The following TFB1M variants were observed in gnomAD, a reference collection of about 807,000 sequenced individuals.
TFB1M encodes the protein transcription factor B1, mitochondrial, also known as dimethyladenosine transferase 1, mitochondrial.
Under a neutral mutation model 31.1 loss-of-function variants are expected in TFB1M, and 27 were observed. That is an observed-to-expected ratio of 0.87 (90% confidence interval 0.64 to 1.20). The LOEUF is 1.20. Ranked by LOEUF, TFB1M falls within the 50% of genes most tolerant of loss-of-function variation. The probability of loss-of-function intolerance (pLI) is 0.00; values close to 1 mark genes in which losing one functional copy is unlikely to be tolerated. For synonymous variants in TFB1M, 166 were observed against 151.8 expected, an observed-to-expected ratio of 1.09 and a Z score of -0.69; for missense variants, 394 against 418.7, an observed-to-expected ratio of 0.94 and a Z score of 0.51.
In TFB1M at chr6:155,256,223, C is replaced by G; in HGVS notation, c.*1613G>C. ...AGAATCTTAGCCCATGTAGTAGTTT[C>G]TAGTGTCTAGTTCTATTTACATAAT... is the stretch of plus-strand genomic sequence containing the variant. On this transcript the variant is annotated 3_prime_UTR_variant, in exon 7 of 7. Transcript: ENST00000367166. The G allele has an allele frequency of 1.7e-6, 1 of 584,556 alleles. No homozygotes were observed. The highest frequency in any genetic ancestry group is 3.0e-6 in the Non-Finnish European group (1 of 334,382). 36.2% of individuals were successfully genotyped at this position (584,556 alleles called of 1,614,324 possible).
intron 5 of TFB1M, among the ~76,000 whole-genome samples, chr6:155,276,949 T>C (rs1356771301): frequency 1.3e-5 from 2 of 152,234 alleles, no homozygotes; most frequent in African/African-American, 2.4e-5. Context: ...ACTATCTACA[T>C]ATATTTGTAA....
At chr6:155,278,931 C>G (rs1180550281) in intron 5 of TFB1M, among the ~76,000 whole-genome samples, 1 of 152,100 alleles carries the variant, frequency 6.6e-6, no homozygotes, top group Non-Finnish European at 1.5e-5. Context: ...GTGGCTCTCC[C>G]TGGGGTGAGT....
Position 155,260,323 on chromosome 6 carries a change from C to G in TFB1M, c.744G>C (p.Val248=). The G allele has an allele frequency of 6.2e-7, 1 of 1,614,206 alleles. No individual in the cohort carries two copies. ...IEQPFKLVEK[V]VQNVFQFRRK... is the part of the protein sequence containing the mutation. ...TTCGGAACTGAAATACATTCTGAACCACTTTTTCCACCAGCTTGAATGGCT... is the reference window on the plus strand; with the variant it reads ...TTCGGAACTGAAATACATTCTGAACGACTTTTTCCACCAGCTTGAATGGCT... The change falls in exon 6 of 7, where the codon GTG becomes GTC. Residue 248 remains valine (V), a synonymous_variant. Coordinates refer to ENST00000367166, the MANE Select transcript of TFB1M (RefSeq NM_016020.4).
the TFB1M span, chr6:155,240,421 C>T: frequency 8.2e-6 from 10 of 1,225,666 alleles, no homozygotes; most frequent in Non-Finnish European, 1.1e-5. Context: ...ACAGAGGCCC[C>T]TCTGAGATCC....
chr6:155,264,701 C>T (rs908501445), intron 5 of TFB1M, among the ~76,000 whole-genome samples: 4 of 152,108 alleles, frequency 2.6e-5, no homozygotes, highest in African/African-American at 9.7e-5. Flanking sequence ...TGTTTCCTCT[C>T]AGAGCAGATG....
intron 4 of TFB1M, among the ~76,000 whole-genome samples, chr6:155,290,321 G>A (rs1776853374): frequency 1.3e-5 from 2 of 149,030 alleles, no homozygotes; most frequent in Admixed American, 6.8e-5. Context: ...GGGAGGCGGG[G>A]CTTGCAGCGA....
chr6:155,263,120 C>G (rs1010713865), intron 5 of TFB1M, among the ~76,000 whole-genome samples: 1 of 152,166 alleles, frequency 6.6e-6, no homozygotes, highest in Non-Finnish European at 1.5e-5. Context: ...CTCTCCCTTT[C>G]CCCCAAAGGC....
chr6:155,233,181 T>G, the TFB1M span, among the ~76,000 whole-genome samples: 1 of 152,212 alleles, frequency 6.6e-6, no homozygotes, highest in Non-Finnish European at 1.5e-5. Context: ...GGTAATGTGA[T>G]GTACCTACCC....
chr6:155,288,368 C>A (rs1275240942), intron 4 of TFB1M, among the ~76,000 whole-genome samples: 1 of 152,090 alleles, frequency 6.6e-6, no homozygotes, highest in African/African-American at 2.4e-5. Context: ...AAAACCAAGA[C>A]ACATATACTC....
intron 1 of TFB1M, 180 bp downstream of exon 1, chr6:155,314,116 C>T: frequency 6.7e-7 from 1 of 1,490,962 alleles, no homozygotes; most frequent in Non-Finnish European, 8.9e-7. Flanking sequence ...AATCAACGCA[C>T]TTCACGTGTC....
At chr6:155,275,009 G>A (rs992337019) in intron 5 of TFB1M, among the ~76,000 whole-genome samples, 1 of 151,952 alleles carries the variant, frequency 6.6e-6, no homozygotes, top group Admixed American at 6.5e-5. Context: ...ACGAGGTCAG[G>A]AGATCGAGAC....
intron 1 of TFB1M, among the ~76,000 whole-genome samples, chr6:155,312,720 G>A (rs1262848762): frequency 6.6e-6 from 1 of 152,088 alleles, no homozygotes; most frequent in African/African-American, 2.4e-5. Context: ...CCCATAGAAA[G>A]AGTGGATAAT....
intron 5 of TFB1M, among the ~76,000 whole-genome samples, chr6:155,281,629 G>A (rs1158735357): frequency 2.7e-5 from 4 of 148,094 alleles, no homozygotes; most frequent in Non-Finnish European, 4.4e-5. Context: ...GGCTGAGGCA[G>A]GAGAATCATT....
Position 155,285,190 on chromosome 6 carries a change from T to TTTA in TFB1M, c.633_634insTAA (p.Thr211_Ile212insTer). ...TTGGGGACAAAAGCTTGTCCTGGAA[T>TTTA]CGTAAAGATGTGTCGAACATTGCAG... is the stretch of plus-strand genomic sequence containing the variant. On this transcript the variant is annotated stop_gained and inframe_insertion, in exon 5 of 7. Coordinates refer to ENST00000367166, the MANE Select transcript of TFB1M (RefSeq NM_016020.4). LOFTEE classifies it high-confidence loss of function. 6.2e-7 allele frequency: 1 copy of TTTA among 1,614,054 alleles called. No individual in the cohort carries two copies. The highest frequency in any genetic ancestry group is 8.5e-7 in the Non-Finnish European group (1 of 1,179,918).
At chr6:155,291,444 T>C (rs891780607) in intron 4 of TFB1M, among the ~76,000 whole-genome samples, 11 of 152,164 alleles carry the variant, frequency 7.2e-5, no homozygotes, top group Non-Finnish European at 1.5e-4. Context: ...AGCAGGTTCA[T>C]GAAGAGGAAA....
intron 5 of TFB1M, among the ~76,000 whole-genome samples, chr6:155,268,978 T>TAAAAAATTAAAAAAAAAAAAAAAAAAAAA (rs1784795515): frequency 1.3e-5 from 1 of 77,194 alleles, no homozygotes; most frequent in Admixed American, 1.4e-4. Context: ...GAAAAAAAAT[T>TAAAAAATTAAAAAAAAAAAAAAAAAAAAA]AAAAAATTAA....
intron 5 of TFB1M, among the ~76,000 whole-genome samples, chr6:155,270,339 CT>C (rs1784863268): frequency 6.6e-6 from 1 of 152,140 alleles, no homozygotes; most frequent in Admixed American, 6.5e-5. Flanking sequence ...GGTCATAAGA[CT>C]TACCTAGGAG....
chr6:155,258,208 G>T, intron 6 of TFB1M, 126 bp from the exon 7 acceptor site: 1 of 1,170,176 alleles, frequency 8.5e-7, no homozygotes, highest in Non-Finnish European at 1.2e-6. Context: ...TGGAGAGAGT[G>T]GCAGGAGCCT....
the TFB1M span, chr6:155,250,112 C>CTACA: frequency 1.7e-6 from 1 of 605,112 alleles, no homozygotes; most frequent in Non-Finnish European, 2.9e-6. Context: ...GTCTAATGAA[C>CTACA]TACACAATTT....
Sources: allele counts gnomAD v4.1 joint callset (sites outside exome capture counted in the v4.1 genomes callset), GRCh38; gene constraint gnomAD v4.1.1; transcripts MANE v1.5; gene names NCBI Gene and HGNC (gene_info 2026-07-23, HGNC 2026-07-21).